Variants in TGFBR2 observed in about 807,000 individuals in gnomAD.
The protein encoded by TGFBR2 is transforming growth factor beta receptor 2.
Under a neutral mutation model 49.0 loss-of-function variants are expected in TGFBR2, and 18 were observed. The observed-to-expected ratio is 0.37, with a 90% CI of 0.25 to 0.54. TGFBR2 has a LOEUF of 0.54. TGFBR2 is among the 20% of genes least tolerant of loss of function. The pLI is 0.85. For synonymous variants in TGFBR2, 282 were observed against 275.9 expected, an observed-to-expected ratio of 1.02 and a Z score of -0.22; for missense variants, 525 against 722.6, an observed-to-expected ratio of 0.73 and a Z score of 3.13.
At chr3:30,636,772 A>C (rs1698541134) in intron 1 of TGFBR2, among the ~76,000 whole-genome samples, 1 of 151,818 alleles carries the variant, frequency 6.6e-6, no homozygotes, top group South Asian at 2.1e-4. Context: ...TCCCTTTAAA[A>C]AGCAGTAACA....
intron 2 of TGFBR2, 139 bp downstream of exon 2, chr3:30,645,054 T>C (rs751107856): frequency 3.5e-4 from 285 of 811,854 alleles, no homozygotes; most frequent in Non-Finnish European, 5.4e-4. Flanking sequence ...ACCATCTCTC[T>C]TTCGATTATT....
chr3:30,677,636 G>A (rs146038630), intron 5 of TGFBR2, among the ~76,000 whole-genome samples: 63 of 152,322 alleles, frequency 4.1e-4, no homozygotes, highest in African/African-American at 1.4e-3. Context: ...CAGATTTTCA[G>A]CCTAGTCTTA....
chr3:30,628,692 C>T (rs368023019), intron 1 of TGFBR2, among the ~76,000 whole-genome samples: 3 of 151,966 alleles, frequency 2.0e-5, no homozygotes, highest in African/African-American at 4.8e-5. Flanking sequence ...AGGAGTCAGA[C>T]GAGCCTTACA....
At chr3:30,606,508 G>A (rs1178257867), upstream of TGFBR2, 2 of 255,288 alleles carry the variant, frequency 7.8e-6, no homozygotes, top group Non-Finnish European at 7.6e-6. Flanking sequence ...TCGAGGAGAG[G>A]GAGAAGGCTC....
Position 30,672,130 on chromosome 3 carries a change from A to G in TGFBR2, c.947A>G (p.Glu316Gly), listed in dbSNP as rs3209742. 1 of 1,614,150 alleles carries G rather than the reference A, an allele frequency of 6.2e-7. No homozygotes were observed. Among genetic ancestry groups the G allele is most frequent in the Non-Finnish European group, 8.5e-7 (1 of 1,180,018 alleles). ...QFLTAEERKT[E>G]LGKQYWLITA... The stretch of plus-strand genomic sequence containing the variant: ...CTGACGGCTGAGGAGCGGAAGACGG[A>G]GTTGGGGAAACAATACTGGCTGATC... Residue 316 changes from glutamate (E) to glycine (G), a missense_variant, in exon 4 of 7, where the codon GAG becomes GGG. Transcript: ENST00000295754. This position sits in a 1 kb window ranked among gnomAD's most constrained non-coding sequence, Gnocchi z 4.5.
In TGFBR2 at chr3:30,693,070, A is replaced by G. The variant is rs1311850364; in HGVS notation, c.*1471A>G. ...CTGGGTATATAATATGATTTTGACT[A>G]CCTTATCTGGTGTTAAGATTTGAAG... On this transcript the variant is annotated 3_prime_UTR_variant, in exon 7 of 7. Coordinates refer to ENST00000295754, the MANE Select transcript of TGFBR2 (RefSeq NM_003242.6). The G allele has an allele frequency of 1.3e-5, 3 of 233,138 alleles. No homozygotes were observed. The highest frequency in any genetic ancestry group is 2.5e-5 in the Non-Finnish European group (3 of 117,966). 14.4% of individuals were successfully genotyped at this position (233,138 alleles called of 1,614,324 possible). A position where few individuals can be genotyped will look rare whatever the true frequency, so the allele number is the denominator to read the frequency against.
intron 3 of TGFBR2, among the ~76,000 whole-genome samples, chr3:30,653,548 G>A (rs1357253487): frequency 2.0e-5 from 3 of 151,932 alleles, no homozygotes; most frequent in East Asian, 1.9e-4. Context: ...CACCACACCC[G>A]GCCAGAATGA....
At chr3:30,646,570 G>A (rs1698745593) in intron 2 of TGFBR2, among the ~76,000 whole-genome samples, 1 of 152,128 alleles carries the variant, frequency 6.6e-6, no homozygotes, top group African/African-American at 2.4e-5. Flanking sequence ...TGCAAGGCAG[G>A]CAGACTTGTG....
intron 1 of TGFBR2, among the ~76,000 whole-genome samples, chr3:30,627,105 G>A (rs985551137): frequency 1.3e-5 from 2 of 152,116 alleles, no homozygotes; most frequent in South Asian, 4.1e-4. Context: ...GATGTGTGGG[G>A]AAGCTCCTTA....
chr3:30,664,993 A>G (rs1394563072), intron 3 of TGFBR2, among the ~76,000 whole-genome samples: 1 of 152,232 alleles, frequency 6.6e-6, no homozygotes, highest in African/African-American at 2.4e-5. Context: ...GTGGGATACT[A>G]ATTTATCCGA....
chr3:30,626,707 C>G (rs563366045), intron 1 of TGFBR2: 1 of 152,688 alleles, frequency 6.5e-6, no homozygotes, highest in Admixed American at 6.5e-5. Flanking sequence ...TTTCAGACAC[C>G]ATTCTTGGAG....
chr3:30,635,893 ACACACACACT>A (rs951634478), intron 1 of TGFBR2, among the ~76,000 whole-genome samples: 6 of 152,114 alleles, frequency 3.9e-5, no homozygotes, highest in Non-Finnish European at 8.8e-5. Flanking sequence ...AAATGCATAA[ACACACACACT>A]CACACACACA....
At chr3:30,674,330 G>A in intron 5 of TGFBR2, 84 bp downstream of exon 5, 2 of 1,552,712 alleles carry the variant, frequency 1.3e-6, no homozygotes, top group Non-Finnish European at 1.8e-6. Context: ...TATTCCAGGG[G>A]TTACAAAGCA....
chr3:30,623,849 T>C (rs995290974), intron 1 of TGFBR2, among the ~76,000 whole-genome samples: 2 of 152,188 alleles, frequency 1.3e-5, no homozygotes, highest in Non-Finnish European at 2.9e-5. Context: ...TGAATAAACA[T>C]ACAGAGAAGA....
At chr3:30,627,611 T>C (rs1464583460) in intron 1 of TGFBR2, among the ~76,000 whole-genome samples, 1 of 151,816 alleles carries the variant, frequency 6.6e-6, no homozygotes, top group Admixed American at 6.6e-5. Context: ...CACTGTTCAA[T>C]AGAACTTTCT....
intron 1 of TGFBR2, among the ~76,000 whole-genome samples, chr3:30,632,152 C>T (rs1000249248): frequency 2.0e-5 from 3 of 152,112 alleles, no homozygotes; most frequent in African/African-American, 7.2e-5. Context: ...GAAAAGTAAG[C>T]CAAACATGAT....
At position 30,691,750 on chromosome 3, in the gene TGFBR2, C is replaced by A; in HGVS notation, c.*151C>A. On this transcript the variant is annotated 3_prime_UTR_variant, in exon 7 of 7. Transcript: ENST00000295754. Reference sequence around the variant, plus strand: ...AAGCTGTGGGGATAAGCAGAAACAACAGCAGCAGGGAGTGGGTGACATAGA... The same window carrying A: ...AAGCTGTGGGGATAAGCAGAAACAAAAGCAGCAGGGAGTGGGTGACATAGA... The A allele has an allele frequency of 1.2e-6, 1 of 811,632 alleles. No homozygotes were observed. Among genetic ancestry groups the A allele is most frequent in the Non-Finnish European group, 2.1e-6 (1 of 483,652 alleles). 50.3% of individuals were successfully genotyped at this position (811,632 alleles called of 1,614,324 possible). A position where few individuals can be genotyped will look rare whatever the true frequency, so the allele number is the denominator to read the frequency against.
chr3:30,642,618 AAAC>A (rs1238660155), intron 1 of TGFBR2, among the ~76,000 whole-genome samples: 7 of 152,218 alleles, frequency 4.6e-5, no homozygotes, highest in Admixed American at 3.9e-4. Flanking sequence ...TTATATTTAC[AAAC>A]AACAAACCTT....
intron 3 of TGFBR2, among the ~76,000 whole-genome samples, chr3:30,658,427 G>A (rs1182897563): frequency 6.6e-6 from 1 of 152,176 alleles, no homozygotes; most frequent in Non-Finnish European, 1.5e-5. Context: ...TTGGGAATGG[G>A]ATAGGACTGT....
Sources: gnomAD v4.1 joint callset for allele counts (sites outside exome capture counted in the v4.1 genomes callset) on GRCh38, gnomAD v4.1.1 for gene constraint, Gnocchi (gnomAD v3.1) non-coding constraint, MANE v1.5 for transcripts, NCBI Gene and HGNC (gene_info 2026-07-23, HGNC 2026-07-21) for gene names.